The following CFAP299 variants were observed in gnomAD, a reference collection of about 807,000 sequenced individuals.
CFAP299 encodes the protein cilia and flagella associated protein 299.
Under a neutral mutation model 27.0 loss-of-function variants are expected in CFAP299, and 21 were observed. The observed-to-expected ratio is 0.78, with a 90% CI of 0.55 to 1.12. CFAP299 has a LOEUF of 1.12. Ranked by LOEUF, CFAP299 falls within the 50% of genes most tolerant of loss-of-function variation. CFAP299 has a pLI of 0.00. For synonymous variants in CFAP299, 104 were observed against 98.1 expected (o/e 1.06, Z -0.36); for missense variants, 310 against 276.6 (o/e 1.12, Z -0.86).
At chr4:80,801,961 G>GTTTC (rs1413210449) in intron 3 of CFAP299, among the ~76,000 whole-genome samples, 12 of 152,024 alleles carry the variant, frequency 7.9e-5, no homozygotes, top group Non-Finnish European at 1.8e-4. Flanking sequence ...ACTTTCTGAT[G>GTTTC]TCAGAGAAAC....
At chr4:80,462,174 C>T (rs561828577) in intron 2 of CFAP299, among the ~76,000 whole-genome samples, 3 of 152,250 alleles carry the variant, frequency 2.0e-5, no homozygotes, top group African/African-American at 4.8e-5. Flanking sequence ...AATGCGTTTT[C>T]TCTCTTGTAT....
intron 2 of CFAP299, among the ~76,000 whole-genome samples, chr4:80,498,031 G>T (rs1028648534): frequency 2.0e-5 from 3 of 151,908 alleles, no homozygotes; most frequent in Non-Finnish European, 4.4e-5. Context: ...TCAGTAAACG[G>T]TGCTAGCTAT....
intron 2 of CFAP299, among the ~76,000 whole-genome samples, chr4:80,527,218 A>G (rs1260527675): frequency 6.6e-6 from 1 of 152,122 alleles, no homozygotes; most frequent in Non-Finnish European, 1.5e-5. Context: ...TTGTTCTGAA[A>G]TTGCTGGGGA....
At chr4:80,467,615 C>T (rs769358835) in intron 2 of CFAP299, among the ~76,000 whole-genome samples, 6 of 152,126 alleles carry the variant, frequency 3.9e-5, no homozygotes, top group Admixed American at 6.5e-5. Context: ...AGAATATTTT[C>T]GTGTGCTCTT....
At chr4:80,572,521 T>G (rs1263680270) in intron 2 of CFAP299, among the ~76,000 whole-genome samples, 2 of 126,128 alleles carry the variant, frequency 1.6e-5, no homozygotes, top group Non-Finnish European at 3.4e-5. Flanking sequence ...TTTTTTTTTT[T>G]TTTTTTTTTT....
Position 80,535,473 on chromosome 4 carries a change from C to T in CFAP299, c.243-47620C>T, listed in dbSNP as rs1281505011. On this transcript the variant is annotated intron_variant, in intron 2 of 5. Transcript: ENST00000358105. ...TCCCGCCACTGCACTCCAGCCTGGG[C>T]GACAGAGCGAGACTCCGTCTCAAAA... Among the ~76,000 whole-genome samples, 5 of 54,384 alleles carry T rather than the reference C, an allele frequency of 9.2e-5. 2 individuals are homozygous for T. The highest frequency in any genetic ancestry group is 3.7e-4 in the African/African-American group (2 of 5,414). The allele number at this position is 54,384 out of a possible 152,430, so 35.7% of individuals were successfully genotyped here.
At chr4:80,898,157 A>G (rs1253295677) in intron 4 of CFAP299, among the ~76,000 whole-genome samples, 1 of 152,086 alleles carries the variant, frequency 6.6e-6, no homozygotes, top group Non-Finnish European at 1.5e-5. Flanking sequence ...ATCCACACTC[A>G]TTGCTCGAGC....
At chr4:80,385,035 T>C (rs144228691) in intron 2 of CFAP299, among the ~76,000 whole-genome samples, 27 of 152,318 alleles carry the variant, frequency 1.8e-4, no homozygotes, top group African/African-American at 6.3e-4. Context: ...GTATACATTG[T>C]GGAATGATTA....
At chr4:80,603,894 G>C (rs1737497921) in intron 3 of CFAP299, among the ~76,000 whole-genome samples, 1 of 152,116 alleles carries the variant, frequency 6.6e-6, no homozygotes, top group African/African-American at 2.4e-5. Flanking sequence ...ATTTCTGAGT[G>C]GTAGAATAAT....
At chr4:80,623,791 G>C (rs1361073728) in intron 3 of CFAP299, among the ~76,000 whole-genome samples, 5 of 152,104 alleles carry the variant, frequency 3.3e-5, no homozygotes, top group African/African-American at 1.2e-4. Flanking sequence ...CCATACTCTA[G>C]ATTAGAATCT....
chr4:80,411,119 C>G (rs1287559470), intron 2 of CFAP299, among the ~76,000 whole-genome samples: 1 of 152,090 alleles, frequency 6.6e-6, no homozygotes, highest in East Asian at 1.9e-4. Flanking sequence ...GGCTATTTGA[C>G]CCATTATTGG....
chr4:80,767,506 G>A (rs1437121925), intron 3 of CFAP299, among the ~76,000 whole-genome samples: 3 of 152,208 alleles, frequency 2.0e-5, no homozygotes, highest in Non-Finnish European at 2.9e-5. Flanking sequence ...CTACTGAGGA[G>A]GCTGAGGCAG....
chr4:80,321,632 G>C, the CFAP299 span, among the ~76,000 whole-genome samples: 1 of 152,194 alleles, frequency 6.6e-6, no homozygotes, highest in Non-Finnish European at 1.5e-5. Flanking sequence ...GGTCATGACA[G>C]TGAATTACAA....
chr4:80,475,042 G>A (rs983319554), intron 2 of CFAP299, among the ~76,000 whole-genome samples: 1 of 152,138 alleles, frequency 6.6e-6, no homozygotes, highest in Non-Finnish European at 1.5e-5. Context: ...AGATTCAGGA[G>A]TATCCAGACA....
rs368619098 is a variant in CFAP299, at chr4:80,941,521, T to C, written c.477-3289T>C. 5.9e-5 allele frequency among the ~76,000 whole-genome samples: 9 copies of C among 152,316 alleles called. 1 individual carries two copies. The highest frequency in any genetic ancestry group is 2.2e-4 in the African/African-American group (9 of 41,582). On this transcript the variant is annotated intron_variant, in intron 4 of 5. Coordinates refer to ENST00000358105, the MANE Select transcript of CFAP299 (RefSeq NM_152770.3). ...ATAGATGTCATAGGAAACCACTAAA[T>C]AGAGATTTTTCTCAACTAGCTCAAC...
chr4:80,630,356 C>T (rs1477819633), intron 3 of CFAP299, among the ~76,000 whole-genome samples: 2 of 152,070 alleles, frequency 1.3e-5, no homozygotes, highest in Admixed American at 1.3e-4. Context: ...TAACTTTTCT[C>T]TTATCAGAAA....
chr4:80,698,643 C>A (rs58119041), intron 3 of CFAP299, among the ~76,000 whole-genome samples: 11,525 of 152,202 alleles, frequency 0.076, 644 homozygotes, highest in East Asian at 0.22. Context: ...AGAAATACCC[C>A]AAGCTGGGTA....
At chr4:80,470,393 T>A (rs1438523712) in intron 2 of CFAP299, among the ~76,000 whole-genome samples, 1 of 152,218 alleles carries the variant, frequency 6.6e-6, no homozygotes. Flanking sequence ...CTACTGGGTT[T>A]CAAAATACAG....
intron 4 of CFAP299, among the ~76,000 whole-genome samples, chr4:80,929,921 C>G (rs1736525149): frequency 6.6e-6 from 1 of 152,154 alleles, no homozygotes; most frequent in Non-Finnish European, 1.5e-5. Flanking sequence ...TTTCCCATCT[C>G]CTGGCATATA....
Sources: allele counts gnomAD v4.1 joint callset (sites outside exome capture counted in the v4.1 genomes callset), GRCh38; gene constraint gnomAD v4.1.1; transcripts MANE v1.5; gene names NCBI Gene and HGNC (gene_info 2026-07-23, HGNC 2026-07-21).